The following RALGAPA1 variants were observed in gnomAD, a reference collection of about 807,000 sequenced individuals.
The protein encoded by RALGAPA1 is Ral GTPase activating protein catalytic subunit alpha 1, also known as ral GTPase-activating protein subunit alpha-1.
In RALGAPA1, 52 loss-of-function variants were observed where a neutral mutation model predicts 269.6. That is an observed-to-expected ratio of 0.19 (90% CI 0.15 to 0.24). RALGAPA1 has a LOEUF of 0.24. RALGAPA1 is among the 10% of genes least tolerant of loss of function. The pLI is 1.00. For synonymous variants in RALGAPA1, 817 were observed against 1,008.3 expected (o/e 0.81, Z 3.60); for missense variants, 1,917 against 3,013.9 (o/e 0.64, Z 8.52).
At position 35,750,633 on chromosome 14, in the gene RALGAPA1, G is replaced by A. The variant is rs2072593389; in HGVS notation, c.860C>T (p.Thr287Ile). 1 of 1,613,208 alleles carries A rather than the reference G, an allele frequency of 6.2e-7. No homozygotes were observed. The highest frequency in any genetic ancestry group is 1.3e-5 in the African/African-American group (1 of 74,972). Residue 287 changes from threonine (T) to isoleucine (I), a missense_variant, in exon 9 of 42, where the codon ACC (threonine) becomes ATC (isoleucine). Physicochemically the swap from Thr to Ile is moderately conservative, Grantham distance 89. Around this residue, in one of 11 missense-constraint regions of RALGAPA1, gnomAD observed 462 missense variants for 725.6 expected, o/e 0.64. Transcript: ENST00000680220. ...CTTTGTACAATAGATTGCTTCATTG[G>A]TTTCAGCATCTTTCTTTATCACGAC... ...HYVVIKKDAE[T>I]NEAIYCTKEP...
At chr14:35,541,903 G>A (rs894814176) in intron 41 of RALGAPA1, 2 of 561,498 alleles carry the variant, frequency 3.6e-6, no homozygotes, top group African/African-American at 1.9e-5. Flanking sequence ...AATTTTCTAG[G>A]TGTTAACTGA....
In RALGAPA1 at chr14:35,791,901, T is replaced by C. The variant is rs1162975114; in HGVS notation, c.107-16156A>G. Among the ~76,000 whole-genome samples the C allele has an allele frequency of 4.1e-4, 33 of 79,594 alleles. 1 individual carries two copies. In the South Asian group the frequency reaches 0.015, roughly 35 times the overall value. 52.2% of individuals were successfully genotyped at this position (79,594 alleles called of 152,430 possible). On this transcript the variant is annotated intron_variant, in intron 1 of 41. Transcript: ENST00000680220. ...GCCTGGCCGACAGAGCGAGACTCTG[T>C]CTCAAAAAAAAAAAAAAAAAAAAAA...
chr14:35,592,943 A>G (rs2138961338), intron 37 of RALGAPA1, among the ~76,000 whole-genome samples: 1 of 152,348 alleles, frequency 6.6e-6, no homozygotes, highest in East Asian at 1.9e-4. Context: ...CATCTGATAC[A>G]GGGAAAGGAT....
At position 35,575,015 on chromosome 14, in the gene RALGAPA1, C is replaced by T. The variant is rs990028350; in HGVS notation, c.7210-2297G>A. Among the ~76,000 whole-genome samples, 4 of 151,866 alleles carry T rather than the reference C, an allele frequency of 2.6e-5. No individual in the cohort carries two copies. The East Asian group carries it at 5.8e-4, about 22-fold the overall frequency. ...TGGTGGCATACACCTGTAATCCCAG[C>T]TACTCAGGAGGCTGAGGAGGGAGGA... On this transcript the variant is annotated intron_variant, in intron 37 of 41. Coordinates refer to ENST00000680220, the MANE Select transcript of RALGAPA1 (RefSeq NM_001346249.2).
chr14:35,696,790 A>C (rs1014641538), intron 17 of RALGAPA1, among the ~76,000 whole-genome samples: 1 of 152,128 alleles, frequency 6.6e-6, no homozygotes, highest in South Asian at 2.1e-4. Flanking sequence ...GATTTCAGAG[A>C]TAGACTCAGG....
At chr14:35,669,228 T>C (rs1417204492) in intron 26 of RALGAPA1, among the ~76,000 whole-genome samples, 1 of 152,192 alleles carries the variant, frequency 6.6e-6, no homozygotes, top group Non-Finnish European at 1.5e-5. Context: ...CAAATCCTTA[T>C]AAAATAATCC....
At chr14:35,541,892 G>C (rs2054041779) in intron 41 of RALGAPA1, 1 of 524,788 alleles carries the variant, frequency 1.9e-6, no homozygotes, top group Non-Finnish European at 3.4e-6. Context: ...ACACAGTGCA[G>C]AATTTTCTAG....
intron 35 of RALGAPA1, among the ~76,000 whole-genome samples, chr14:35,623,500 G>A (rs1356079162): frequency 6.6e-6 from 1 of 151,478 alleles, no homozygotes; most frequent in Non-Finnish European, 1.5e-5. Context: ...ACTAGCAGAA[G>A]AGAAAAAAAA....
chr14:35,766,366 G>A (rs1271116251), intron 4 of RALGAPA1: 11 of 1,389,436 alleles, frequency 7.9e-6, no homozygotes, highest in African/African-American at 1.4e-5. Flanking sequence ...AGCAAACTAT[G>A]TATAGGTATT....
At chr14:35,612,041 A>G (rs2059966307) in intron 35 of RALGAPA1, among the ~76,000 whole-genome samples, 1 of 152,204 alleles carries the variant, frequency 6.6e-6, no homozygotes, top group Non-Finnish European at 1.5e-5. Flanking sequence ...AGTGTTTTCA[A>G]CAAATGGTAC....
chr14:35,595,810 CATAA>C (rs756837947), intron 36 of RALGAPA1, 21 bp from the exon 37 acceptor site: 1 of 1,596,790 alleles, frequency 6.3e-7, no homozygotes, highest in Non-Finnish European at 8.5e-7. Context: ...TGAAGAGTCA[CATAA>C]ATTAATTAAA....
At chr14:35,804,604 A>G (rs993659124) in intron 1 of RALGAPA1, among the ~76,000 whole-genome samples, 2 of 135,760 alleles carry the variant, frequency 1.5e-5, no homozygotes, top group Non-Finnish European at 3.2e-5. Context: ...TAAATAAATA[A>G]ATAAATAAAT....
chr14:35,718,545 G>A (rs2069061989), intron 16 of RALGAPA1, among the ~76,000 whole-genome samples: 1 of 152,176 alleles, frequency 6.6e-6, no homozygotes, highest in Non-Finnish European at 1.5e-5. Context: ...GCTGGGCACA[G>A]AGGCTCACAC....
At chr14:35,693,579 T>G (rs1238625544) in intron 17 of RALGAPA1, among the ~76,000 whole-genome samples, 2 of 152,022 alleles carry the variant, frequency 1.3e-5, no homozygotes, top group African/African-American at 4.8e-5. Context: ...ACTCCTCTAC[T>G]AACATACCTT....
At chr14:35,580,421 A>G (rs970956578) in intron 37 of RALGAPA1, among the ~76,000 whole-genome samples, 1 of 152,346 alleles carries the variant, frequency 6.6e-6, no homozygotes, top group East Asian at 1.9e-4. Context: ...TTTTCCATCA[A>G]TCTTCCTCAG....
intron 2 of RALGAPA1, 42 bp from the exon 3 acceptor site, chr14:35,775,097 T>C (rs2074923952): frequency 1.8e-6 from 2 of 1,119,018 alleles, no homozygotes; most frequent in Non-Finnish European, 2.6e-6. Flanking sequence ...CATATCATTT[T>C]GTCCTCATAA....
chr14:35,712,240 CAA>C (rs58184723), intron 16 of RALGAPA1, among the ~76,000 whole-genome samples: 14 of 57,354 alleles, frequency 2.4e-4, no homozygotes, highest in Non-Finnish European at 3.4e-4. Flanking sequence ...GAGCATGTCT[CAA>C]AAAAAAAAAA....
chr14:35,765,841 G>A, intron 4 of RALGAPA1: 1 of 660,328 alleles, frequency 1.5e-6, no homozygotes. Flanking sequence ...GAAAGGTAAT[G>A]CTATAGTAGT....
chr14:35,792,841 A>T (rs1240582799), intron 1 of RALGAPA1, among the ~76,000 whole-genome samples: 14 of 139,032 alleles, frequency 1.0e-4, no homozygotes, highest in African/African-American at 1.9e-4. Flanking sequence ...GAAAGAAAGA[A>T]AGATAGATTG....
Sources: gnomAD v4.1 joint callset for allele counts (sites outside exome capture counted in the v4.1 genomes callset) on GRCh38, gnomAD v4.1.1 for gene constraint, gnomAD v4.1.1 regional missense constraint, MANE v1.5 for transcripts, NCBI Gene and HGNC (gene_info 2026-07-23, HGNC 2026-07-21) for gene names.